GPC5: variants seen among roughly 807,000 people sequenced by gnomAD.
The protein encoded by GPC5 is glypican-5.
In GPC5, 47 loss-of-function variants were observed where a neutral mutation model predicts 53.9. The ratio of observed to expected loss-of-function variants is 0.87; its 90% CI spans 0.69 to 1.11. GPC5 has a LOEUF of 1.11. Among genes scored for constraint, GPC5 ranks in the 50% most tolerant of loss-of-function variants. GPC5 has a pLI of 0.00. For synonymous variants in GPC5, 286 were observed against 263.3 expected, an observed-to-expected ratio of 1.09 and a Z score of -0.84; for missense variants, 748 against 713.1, an observed-to-expected ratio of 1.05 and a Z score of -0.56.
chr13:91,826,370 T>G lies in GPC5; in HGVS notation c.1280+69950T>G, dbSNP rs188545231. On this transcript the variant is annotated intron_variant, in intron 5 of 7. Coordinates refer to ENST00000377067, the MANE Select transcript of GPC5 (RefSeq NM_004466.6). ...CTATCAAGAGTACCAAATGGAAATT[T>G]GAAGTACAGTTTCTATTGAAAGTAT... is the stretch of plus-strand genomic sequence containing the variant. Among the ~76,000 whole-genome samples, 244 of 152,166 alleles carry G rather than the reference T, an allele frequency of 1.6e-3. 1 individual carries two copies. The Middle Eastern group carries it at 0.054, about 34-fold the overall frequency.
At chr13:92,408,021 C>T (rs1594176135) in intron 7 of GPC5, among the ~76,000 whole-genome samples, 2 of 152,302 alleles carry the variant, frequency 1.3e-5, no homozygotes, top group African/African-American at 4.8e-5. Context: ...TGGAACTGAT[C>T]CGTGGCCCAT....
chr13:91,437,631 T>C (rs543484846), intron 1 of GPC5, among the ~76,000 whole-genome samples: 16 of 152,344 alleles, frequency 1.1e-4, no homozygotes, highest in Middle Eastern at 3.4e-3. Flanking sequence ...CTGACAATTA[T>C]GTGTCTTGGA....
intron 7 of GPC5, among the ~76,000 whole-genome samples, chr13:92,759,092 T>C (rs1421856420): frequency 7.0e-6 from 1 of 142,808 alleles, no homozygotes; most frequent in African/African-American, 2.6e-5. Context: ...TCTATCCCAC[T>C]GGTCCACTGG....
chr13:92,824,798 A>G (rs10507997), intron 7 of GPC5, among the ~76,000 whole-genome samples: 2,817 of 152,082 alleles, frequency 0.019, 107 homozygotes, highest in African/African-American at 0.065. Context: ...ATAGTAAACA[A>G]TCTACAAGCC....
At chr13:92,456,142 G>A (rs1452672557) in intron 7 of GPC5, among the ~76,000 whole-genome samples, 3 of 151,888 alleles carry the variant, frequency 2.0e-5, no homozygotes, top group Admixed American at 6.6e-5. Flanking sequence ...TGTTGATGTC[G>A]GCCAAAAGTT....
rs966367528 is a variant in GPC5 at position 92,642,932 on chromosome 13, A to G, written c.1562-223350A>G. 3.3e-5 allele frequency among the ~76,000 whole-genome samples: 5 copies of G among 152,234 alleles called. No individual in the cohort carries two copies. In the South Asian group the frequency reaches 1.0e-3, roughly 31 times the overall value. ...CTAACGCACAACTTTAGGTATTTGC[A>G]GTGCTACAACGGTCAGTTATATACA... On this transcript the variant is annotated intron_variant, in intron 7 of 7. Coordinates refer to ENST00000377067, the MANE Select transcript of GPC5 (RefSeq NM_004466.6).
At chr13:91,924,687 G>C (rs1350677417) in intron 6 of GPC5, among the ~76,000 whole-genome samples, 1 of 152,136 alleles carries the variant, frequency 6.6e-6, no homozygotes, top group African/African-American at 2.4e-5. Flanking sequence ...GTTGTGGTGA[G>C]CCGTGATTAT....
chr13:92,272,193 T>G (rs917738458), intron 7 of GPC5, among the ~76,000 whole-genome samples: 1 of 152,176 alleles, frequency 6.6e-6, no homozygotes, highest in African/African-American at 2.4e-5. Context: ...TAGTTGATCC[T>G]AATATACCCT....
chr13:92,210,821 G>T (rs913893399), intron 7 of GPC5, among the ~76,000 whole-genome samples: 8 of 152,190 alleles, frequency 5.3e-5, no homozygotes, highest in Non-Finnish European at 1.2e-4. Flanking sequence ...AGTCAGAAAT[G>T]AAAATGGACT....
At position 91,746,745 on chromosome 13, in the gene GPC5, A is replaced by G. The variant is rs1286024168; in HGVS notation, c.1155-9550A>G. ...GCCTTATAAATTAAAATATAAATTT[A>G]CTTAATGAAATATTTTCATAGACTA... On this transcript the variant is annotated intron_variant, in intron 4 of 7. Transcript: ENST00000377067. Among the ~76,000 whole-genome samples, 6 of 152,344 alleles carry G rather than the reference A, an allele frequency of 3.9e-5. No homozygotes were observed. In the East Asian group the frequency reaches 9.6e-4, roughly 24 times the overall value.
chr13:92,517,350 G>A (rs1880834323), intron 7 of GPC5, among the ~76,000 whole-genome samples: 1 of 152,172 alleles, frequency 6.6e-6, no homozygotes, highest in African/African-American at 2.4e-5. Context: ...GTTTCTCCCA[G>A]CATGCAGCTT....
intron 4 of GPC5, among the ~76,000 whole-genome samples, chr13:91,754,930 C>A (rs1267986054): frequency 6.6e-6 from 1 of 152,100 alleles, no homozygotes; most frequent in African/African-American, 2.4e-5. Flanking sequence ...TCTGGTCCAT[C>A]TTTGCTAAAA....
At chr13:92,229,537 G>A (rs1003423934) in intron 7 of GPC5, among the ~76,000 whole-genome samples, 74 of 152,022 alleles carry the variant, frequency 4.9e-4, no homozygotes, top group African/African-American at 1.7e-3. Context: ...CTGAAATGAA[G>A]GTTATTGTTC....
chr13:92,759,529 T>C (rs1467633463), intron 7 of GPC5, among the ~76,000 whole-genome samples: 1 of 152,114 alleles, frequency 6.6e-6, no homozygotes, highest in Non-Finnish European at 1.5e-5. Context: ...ATTGTTTGTC[T>C]ATACAAATGC....
intron 7 of GPC5, among the ~76,000 whole-genome samples, chr13:92,621,446 G>A (rs1002986856): frequency 4.6e-5 from 7 of 152,028 alleles, no homozygotes; most frequent in East Asian, 1.9e-4. Flanking sequence ...TTTTTTCTGC[G>A]AGGCCAACAT....
intron 5 of GPC5, among the ~76,000 whole-genome samples, chr13:91,819,851 T>A (rs2038462802): frequency 6.6e-6 from 1 of 152,234 alleles, no homozygotes; most frequent in African/African-American, 2.4e-5. Context: ...TGTATCAATT[T>A]ATACTCTCAT....
intron 7 of GPC5, among the ~76,000 whole-genome samples, chr13:92,572,917 T>A (rs1359812904): frequency 1.3e-5 from 2 of 152,144 alleles, no homozygotes; most frequent in East Asian, 1.9e-4. Context: ...TAGAGAAAGA[T>A]TAGATATGTA....
chr13:92,262,868 C>T (rs889745394), intron 7 of GPC5, among the ~76,000 whole-genome samples: 6 of 152,316 alleles, frequency 3.9e-5, no homozygotes, highest in African/African-American at 1.4e-4. Context: ...TCTTTCTCAT[C>T]ATGTGCTTCA....
intron 2 of GPC5, among the ~76,000 whole-genome samples, chr13:91,650,142 T>C (rs1276574295): frequency 6.6e-6 from 1 of 152,164 alleles, no homozygotes; most frequent in Non-Finnish European, 1.5e-5. Context: ...TGTATGTATA[T>C]GAAGTATGTA....
Sources: allele counts gnomAD v4.1 joint callset (sites outside exome capture counted in the v4.1 genomes callset), GRCh38; gene constraint gnomAD v4.1.1; transcripts MANE v1.5; gene names NCBI Gene and HGNC (gene_info 2026-07-23, HGNC 2026-07-21).